Variants in GABRA3 observed in about 807,000 individuals in gnomAD.
The protein encoded by GABRA3 is gamma-aminobutyric acid type A receptor subunit alpha3.
In GABRA3, 10 loss-of-function variants were observed where a neutral mutation model predicts 30.1. The ratio of observed to expected loss-of-function variants is 0.33; its 90% confidence interval spans 0.20 to 0.56. GABRA3 has a LOEUF of 0.56. Ranked by LOEUF, GABRA3 falls within the 20% of genes least tolerant of loss-of-function variation. The pLI, the probability that GABRA3 is intolerant of heterozygous loss-of-function variation, is 0.89. For synonymous variants in GABRA3, 151 were observed against 146.8 expected, an observed-to-expected ratio of 1.03 and a Z score of -0.21; for missense variants, 233 against 392.0, an observed-to-expected ratio of 0.59 and a Z score of 3.42.
At chrX:152,442,361 T>C (rs1930954459) in intron 1 of GABRA3, among the ~76,000 whole-genome samples, 1 of 110,608 alleles carries the variant, frequency 9.0e-6, no homozygotes, top group Non-Finnish European at 1.9e-5. Context: ...ATTCTCTGAG[T>C]TTCCCTTAAA....
chrX:152,233,458 A>C (rs764115486), intron 5 of GABRA3, among the ~76,000 whole-genome samples: 10 of 109,831 alleles, frequency 9.1e-5, no homozygotes, highest in East Asian at 2.9e-4. Flanking sequence ...GCTCATCATC[A>C]CTGGCCATCA....
intron 5 of GABRA3, among the ~76,000 whole-genome samples, chrX:152,242,525 G>T (rs187746823): frequency 1.9e-3 from 214 of 111,876 alleles, no homozygotes; most frequent in African/African-American, 6.6e-3. Flanking sequence ...CAAATAAAGG[G>T]TTAATATTCA....
intron 4 of GABRA3, among the ~76,000 whole-genome samples, chrX:152,262,901 C>T (rs759392479): frequency 2.7e-5 from 3 of 111,789 alleles, no homozygotes; most frequent in Admixed American, 9.5e-5. Flanking sequence ...AAGACATATC[C>T]GAGACTGTAA....
At chrX:152,250,198 G>A (rs867185175) in intron 5 of GABRA3, among the ~76,000 whole-genome samples, 1 of 110,831 alleles carries the variant, frequency 9.0e-6, no homozygotes, top group Non-Finnish European at 1.9e-5. Flanking sequence ...CTTCTCCTGC[G>A]ATTCTATCAC....
In GABRA3 at chrX:152,412,123, T is replaced by C. The variant is rs756281851; in HGVS notation, c.-27+39023A>G. ...TGAAATGCAAATAAAAATTGTAACATACCACTTCACATCCACTAAGATGGT... is the reference window on the plus strand; with the variant it reads ...TGAAATGCAAATAAAAATTGTAACACACCACTTCACATCCACTAAGATGGT... On this transcript the variant is annotated intron_variant, in intron 1 of 9. Transcript: ENST00000370314. Among the ~76,000 whole-genome samples the C allele has an allele frequency of 6.5e-4, 72 of 111,439 alleles. 1 individual carries two copies. Among genetic ancestry groups the C allele is most frequent in the Non-Finnish European group, 1.2e-3 (65 of 52,995 alleles).
chrX:152,345,723 G>A (rs200469792), intron 2 of GABRA3, 21 bp from the exon 3 acceptor site: 7 of 1,146,738 alleles, frequency 6.1e-6, no homozygotes, highest in Non-Finnish European at 8.1e-6. Flanking sequence ...GCAAGGAAAA[G>A]AAAAAAAATA....
chrX:152,222,479 A>G (rs1242742793), intron 6 of GABRA3, among the ~76,000 whole-genome samples: 1 of 107,930 alleles, frequency 9.3e-6, no homozygotes, highest in African/African-American at 3.4e-5. Context: ...TCTTGAATAT[A>G]TTAGCCATAG....
chrX:152,275,985 A>G (rs1309389640), intron 4 of GABRA3, among the ~76,000 whole-genome samples: 4 of 110,311 alleles, frequency 3.6e-5, no homozygotes, highest in Non-Finnish European at 7.6e-5. Context: ...GAATGAAAAG[A>G]TGGTCTAATA....
At chrX:152,195,254 A>G (rs1022675716) in intron 8 of GABRA3, among the ~76,000 whole-genome samples, 4 of 111,967 alleles carry the variant, frequency 3.6e-5, no homozygotes, top group Non-Finnish European at 5.6e-5. Flanking sequence ...AAGGAATCTC[A>G]TATTTCACAC....
At chrX:152,421,422 A>G (rs1482260578) in intron 1 of GABRA3, among the ~76,000 whole-genome samples, 2 of 111,373 alleles carry the variant, frequency 1.8e-5, no homozygotes, top group Non-Finnish European at 3.8e-5. Flanking sequence ...TGTATAATGT[A>G]AAACAATAAA....
At chrX:152,250,878 G>A (rs1219116739) in intron 5 of GABRA3, among the ~76,000 whole-genome samples, 2 of 110,997 alleles carry the variant, frequency 1.8e-5, no homozygotes, top group Non-Finnish European at 3.8e-5. Flanking sequence ...GGGTGCTATA[G>A]AATAACACTT....
rs771338272 is a variant in GABRA3 at position 152,394,404 on chromosome X, T to A, written c.-26-29808A>T. The A allele has an allele frequency of 1.8e-5, 7 of 384,532 alleles. No homozygotes were observed. In the East Asian group the frequency reaches 4.5e-4, roughly 25 times the overall value. The allele number at this position is 384,532 out of a possible 1,213,427, so 31.7% of individuals were successfully genotyped here. Reference sequence around the variant, plus strand: ...TTGTTCCAGAAGCAGATGGCAATGTTGCAAAAGTAGACACCATAGCACATG... The same window carrying A: ...TTGTTCCAGAAGCAGATGGCAATGTAGCAAAAGTAGACACCATAGCACATG... On this transcript the variant is annotated intron_variant, in intron 1 of 9. Transcript: ENST00000370314.
chrX:152,267,305 G>T (rs1322320418), intron 4 of GABRA3, among the ~76,000 whole-genome samples: 1 of 111,899 alleles, frequency 8.9e-6, no homozygotes, highest in Non-Finnish European at 1.9e-5. Context: ...TTAATGTGAT[G>T]CATCACATTT....
Position 152,168,597 on chromosome X carries a change from G to T in GABRA3, c.1144-34C>A, listed in dbSNP as rs780749556. 8 of 1,040,908 alleles carry T rather than the reference G, an allele frequency of 7.7e-6. No homozygotes were observed. In the African/African-American group the frequency reaches 1.5e-4, roughly 20 times the overall value. 85.8% of individuals were successfully genotyped at this position (1,040,908 alleles called of 1,213,427 possible). A position where few individuals can be genotyped will look rare whatever the true frequency, so the allele number is the denominator to read the frequency against. Reference sequence around the variant, plus strand: ...CAGGAAAAAGAGGGGGGGAAAGGGAGAAAAAAGCAAAGCTAATTAATTCAT... The same window carrying T: ...CAGGAAAAAGAGGGGGGGAAAGGGATAAAAAAGCAAAGCTAATTAATTCAT... On this transcript the variant is annotated intron_variant, in intron 9 of 9. Coordinates refer to ENST00000370314, the MANE Select transcript of GABRA3 (RefSeq NM_000808.4).
intron 1 of GABRA3, among the ~76,000 whole-genome samples, chrX:152,395,225 C>T (rs1929625939): frequency 9.0e-6 from 1 of 111,293 alleles, no homozygotes. Flanking sequence ...ATTACACAAA[C>T]TAACAGCTAT....
intron 3 of GABRA3, among the ~76,000 whole-genome samples, chrX:152,326,591 A>G (rs775475439): frequency 9.0e-6 from 1 of 111,721 alleles, no homozygotes; most frequent in South Asian, 3.8e-4. Flanking sequence ...AGAATTTCAT[A>G]TCCAGCCAAA....
chrX:152,384,105 T>C (rs756879976), intron 1 of GABRA3, among the ~76,000 whole-genome samples: 1 of 107,993 alleles, frequency 9.3e-6, no homozygotes, highest in Non-Finnish European at 1.9e-5. Flanking sequence ...AAAAGAAAAA[T>C]CAAGAAAACA....
chrX:152,363,515 G>A (rs1277322289), intron 2 of GABRA3, among the ~76,000 whole-genome samples: 5 of 111,229 alleles, frequency 4.5e-5, no homozygotes, highest in Non-Finnish European at 9.4e-5. Flanking sequence ...CCTCAAAGTA[G>A]GACAAATCTT....
At chrX:152,260,479 G>T (rs777540568) in intron 4 of GABRA3, among the ~76,000 whole-genome samples, 1 of 111,459 alleles carries the variant, frequency 9.0e-6, no homozygotes, top group Non-Finnish European at 1.9e-5. Flanking sequence ...AGTCATAGTG[G>T]TGGTGGCCAT....
Sources: allele counts gnomAD v4.1 joint callset (sites outside exome capture counted in the v4.1 genomes callset), GRCh38; gene constraint gnomAD v4.1.1; transcripts MANE v1.5; gene names NCBI Gene and HGNC (gene_info 2026-07-23, HGNC 2026-07-21).